Variants in SNTG2 observed in about 807,000 individuals in gnomAD.
The protein encoded by SNTG2 is syntrophin gamma 2, also known as gamma-2-syntrophin.
SNTG2 carries 74 observed loss-of-function variants against 70.9 expected under a neutral mutation model. That is an observed-to-expected ratio of 1.04 (90% CI 0.86 to 1.27). The LOEUF (loss-of-function observed/expected upper bound fraction) is 1.27. Among genes scored for constraint, SNTG2 ranks in the 50% most tolerant of loss-of-function variants. The pLI, the probability that SNTG2 is intolerant of heterozygous loss-of-function variation, is 0.00. For missense variants in SNTG2, 717 were observed against 690.7 expected (o/e 1.04, Z -0.43); for synonymous variants, 278 against 273.8 (o/e 1.02, Z -0.15).
At chr2:1,205,525 A>C (rs1212441224) in intron 8 of SNTG2, among the ~76,000 whole-genome samples, 1 of 152,114 alleles carries the variant, frequency 6.6e-6, no homozygotes, top group Non-Finnish European at 1.5e-5. Context: ...CTGTCTTGAA[A>C]ACTTCTAAAA....
At chr2:1,314,514 G>A (rs919633340) in intron 15 of SNTG2, among the ~76,000 whole-genome samples, 3 of 152,220 alleles carry the variant, frequency 2.0e-5, no homozygotes, top group Non-Finnish European at 4.4e-5. Flanking sequence ...GGCAGGAGTG[G>A]CTCGGGCAGC....
chr2:1,021,011 TTC>T (rs1660138244), intron 1 of SNTG2, among the ~76,000 whole-genome samples: 1 of 152,178 alleles, frequency 6.6e-6, no homozygotes, highest in Non-Finnish European at 1.5e-5. Context: ...AGAATAGCTT[TTC>T]CTCATCAACT....
At chr2:1,052,794 G>C (rs1218851732) in intron 1 of SNTG2, among the ~76,000 whole-genome samples, 1 of 152,196 alleles carries the variant, frequency 6.6e-6, no homozygotes, top group Admixed American at 6.5e-5. Flanking sequence ...TGAATGCTGG[G>C]TGGCCTACCC....
At chr2:1,260,001 C>T (rs1456166778) in intron 13 of SNTG2, among the ~76,000 whole-genome samples, 8 of 152,226 alleles carry the variant, frequency 5.3e-5, no homozygotes, top group African/African-American at 1.4e-4. Context: ...ATGCGCTCAC[C>T]GTGGCCGGGT....
intron 1 of SNTG2, among the ~76,000 whole-genome samples, chr2:968,322 C>A (rs1426353287): frequency 1.5e-5 from 1 of 67,526 alleles, no homozygotes; most frequent in South Asian, 2.8e-4. Context: ...TGTGGTGATG[C>A]CCCTTTTCCA....
At chr2:1,302,765 A>G (rs1680512998) in intron 14 of SNTG2, among the ~76,000 whole-genome samples, 2 of 152,324 alleles carry the variant, frequency 1.3e-5, no homozygotes, top group Admixed American at 1.3e-4. Context: ...AAAGGTAACC[A>G]TGTAGATGGT....
chr2:1,138,467 C>A (rs1431365515), intron 6 of SNTG2, among the ~76,000 whole-genome samples: 1 of 152,066 alleles, frequency 6.6e-6, no homozygotes, highest in African/African-American at 2.4e-5. Context: ...GGGCTGATGC[C>A]AGGAAGCATG....
chr2:973,954 C>T (rs989671980), intron 1 of SNTG2, among the ~76,000 whole-genome samples: 3 of 152,212 alleles, frequency 2.0e-5, no homozygotes, highest in Non-Finnish European at 4.4e-5. Flanking sequence ...CACACTTGAA[C>T]ATCCAAATCT....
At chr2:970,005 A>G (rs1278519827) in intron 1 of SNTG2, among the ~76,000 whole-genome samples, 1 of 152,164 alleles carries the variant, frequency 6.6e-6, no homozygotes, top group Admixed American at 6.5e-5. Context: ...GGTTTGTCAT[A>G]GACAGCTCTT....
At chr2:981,484 T>C (rs1166308611) in intron 1 of SNTG2, among the ~76,000 whole-genome samples, 2 of 150,204 alleles carry the variant, frequency 1.3e-5, no homozygotes, top group African/African-American at 5.0e-5. Flanking sequence ...CACATGCACA[T>C]GAGTGCACAT....
At chr2:1,299,003 G>A (rs1680335317) in intron 14 of SNTG2, among the ~76,000 whole-genome samples, 2 of 152,152 alleles carry the variant, frequency 1.3e-5, no homozygotes, top group South Asian at 4.1e-4. Flanking sequence ...CCTCAAGCTT[G>A]CAGATGGCCT....
chr2:1,168,513 G>A (rs1445699504), intron 7 of SNTG2, among the ~76,000 whole-genome samples: 1 of 152,218 alleles, frequency 6.6e-6, no homozygotes, highest in East Asian at 1.9e-4. Flanking sequence ...CACAAGCCCT[G>A]CAAGGGGAAC....
At chr2:1,113,796 C>T (rs1388069248) in intron 4 of SNTG2, among the ~76,000 whole-genome samples, 1 of 151,300 alleles carries the variant, frequency 6.6e-6, no homozygotes, top group East Asian at 2.0e-4. Flanking sequence ...TGAGGAGAAT[C>T]GTGTGTACTA....
At chr2:982,733 G>C (rs146228155) in intron 1 of SNTG2, among the ~76,000 whole-genome samples, 2 of 152,312 alleles carry the variant, frequency 1.3e-5, no homozygotes, top group East Asian at 3.9e-4. Flanking sequence ...CTCTTCTCTT[G>C]TGCTCACTCA....
chr2:1,335,194 A>G (rs1659756540), intron 16 of SNTG2, among the ~76,000 whole-genome samples: 1 of 152,162 alleles, frequency 6.6e-6, no homozygotes, highest in Non-Finnish European at 1.5e-5. Flanking sequence ...CCTCTGCATC[A>G]GCTGCTGGCT....
chr2:1,266,323 C>T (rs897540284), intron 13 of SNTG2, among the ~76,000 whole-genome samples: 8 of 152,080 alleles, frequency 5.3e-5, no homozygotes, highest in South Asian at 2.1e-4. Context: ...AAATGAATCC[C>T]GAAGTGGGGT....
chr2:1,149,714 A>G (rs1468146641), intron 6 of SNTG2, among the ~76,000 whole-genome samples: 3 of 108,694 alleles, frequency 2.8e-5, no homozygotes, highest in Non-Finnish European at 3.7e-5. Flanking sequence ...TTCAAATGGA[A>G]TCTGGCTCTG....
intron 1 of SNTG2, among the ~76,000 whole-genome samples, chr2:1,034,398 AGC>A: frequency 6.6e-6 from 1 of 152,246 alleles, no homozygotes; most frequent in Non-Finnish European, 1.5e-5. Flanking sequence ...TATTGTGAAT[AGC>A]GCTGCATTGA....
chr2:1,143,019 T>C (rs533103788), intron 6 of SNTG2, among the ~76,000 whole-genome samples: 1 of 152,306 alleles, frequency 6.6e-6, no homozygotes, highest in Admixed American at 6.5e-5. Flanking sequence ...AGCATTGTCC[T>C]GCTAAATTGT....
Sources: allele counts gnomAD v4.1 joint callset (sites outside exome capture counted in the v4.1 genomes callset), GRCh38; gene constraint gnomAD v4.1.1; transcripts MANE v1.5; gene names NCBI Gene and HGNC (gene_info 2026-07-23, HGNC 2026-07-21).